The following RIC1 variants were observed in gnomAD, a reference collection of about 807,000 sequenced individuals.
The protein encoded by RIC1 is RIC1 partner of RAB6A GEF complex.
RIC1 carries 88 observed loss-of-function variants against 169.0 expected under a neutral mutation model. The observed-to-expected ratio is 0.52, with a 90% CI of 0.44 to 0.62. The LOEUF (loss-of-function observed/expected upper bound fraction) is 0.62. Ranked by LOEUF, RIC1 falls within the 20% of genes least tolerant of loss-of-function variation. The pLI is 0.00. For missense variants in RIC1, 1,877 were observed against 1,725.5 expected (o/e 1.09, Z -1.56); for synonymous variants, 790 against 601.5 (o/e 1.31, Z -4.59).
intron 7 of RIC1, among the ~76,000 whole-genome samples, chr9:5,733,804 A>T (rs1034492530): frequency 6.6e-6 from 1 of 151,750 alleles, no homozygotes; most frequent in Non-Finnish European, 1.5e-5. Context: ...ATGTATGTTC[A>T]TGAATACATT....
chr9:5,672,745 T>G (rs567806748), intron 2 of RIC1, among the ~76,000 whole-genome samples: 2 of 152,224 alleles, frequency 1.3e-5, no homozygotes, highest in African/African-American at 4.8e-5. Flanking sequence ...TGGGGCTATG[T>G]GGAAAAAGTT....
intron 1 of RIC1, among the ~76,000 whole-genome samples, chr9:5,656,309 G>A (rs1819095416): frequency 6.6e-6 from 1 of 152,088 alleles, no homozygotes; most frequent in Non-Finnish European, 1.5e-5. Flanking sequence ...TAAACGTTTG[G>A]TAGACTTCAC....
intron 1 of RIC1, among the ~76,000 whole-genome samples, chr9:5,635,194 G>C (rs1158757252): frequency 6.6e-6 from 1 of 152,014 alleles, no homozygotes; most frequent in African/African-American, 2.4e-5. Context: ...TGCCCAGGCC[G>C]GTCTCAGACT....
intron 1 of RIC1, among the ~76,000 whole-genome samples, chr9:5,629,750 G>T (rs1817626936): frequency 6.6e-6 from 1 of 152,192 alleles, no homozygotes; most frequent in Non-Finnish European, 1.5e-5. Flanking sequence ...GCCGAGCCCA[G>T]ACTTGTTCTT....
chr9:5,635,146 C>G (rs1195221170), intron 1 of RIC1, among the ~76,000 whole-genome samples: 1 of 152,032 alleles, frequency 6.6e-6, no homozygotes, highest in Admixed American at 6.6e-5. Context: ...TGCCACCATG[C>G]CTAGTTAATT....
chr9:5,705,176 C>T (rs1388962637), intron 3 of RIC1, among the ~76,000 whole-genome samples: 1 of 143,278 alleles, frequency 7.0e-6, no homozygotes, highest in Admixed American at 7.0e-5. Flanking sequence ...ATTTTAGGAT[C>T]AGCTTTCCCA....
At chr9:5,755,031 C>A in intron 15 of RIC1, 101 bp downstream of exon 15, 1 of 670,774 alleles carries the variant, frequency 1.5e-6, no homozygotes. Context: ...CTGAACAAAA[C>A]ATTTTATTTT....
At chr9:5,709,616 T>C (rs1452386437) in intron 3 of RIC1, among the ~76,000 whole-genome samples, 1 of 152,194 alleles carries the variant, frequency 6.6e-6, no homozygotes, top group East Asian at 1.9e-4. Flanking sequence ...ATTCAGTGCT[T>C]TCATAATCTG....
chr9:5,653,238 A>C (rs1458880433), intron 1 of RIC1, among the ~76,000 whole-genome samples: 1 of 151,944 alleles, frequency 6.6e-6, no homozygotes, highest in Non-Finnish European at 1.5e-5. Flanking sequence ...CAGTTGGCAT[A>C]TATTTGTGTG....
At chr9:5,697,118 C>T (rs1310525843) in intron 3 of RIC1, among the ~76,000 whole-genome samples, 1 of 152,304 alleles carries the variant, frequency 6.6e-6, no homozygotes, top group South Asian at 2.1e-4. Flanking sequence ...CAGTAAGACT[C>T]GGGAAACCCC....
At chr9:5,691,359 C>T (rs1821581778) in intron 3 of RIC1, among the ~76,000 whole-genome samples, 2 of 151,958 alleles carry the variant, frequency 1.3e-5, no homozygotes, top group African/African-American at 4.8e-5. Flanking sequence ...TGCTTTTCAA[C>T]TCTTAAATTT....
chr9:5,666,641 C>G (rs4742112), intron 2 of RIC1, among the ~76,000 whole-genome samples: 1 of 151,976 alleles, frequency 6.6e-6, no homozygotes, highest in Non-Finnish European at 1.5e-5. Flanking sequence ...AATTGAGAAA[C>G]GTGGATTTTT....
intron 1 of RIC1, among the ~76,000 whole-genome samples, chr9:5,629,957 C>A (rs1360051283): frequency 2.0e-5 from 3 of 152,198 alleles, no homozygotes; most frequent in African/African-American, 7.2e-5. Context: ...AGCCTGAATT[C>A]TTTATTCTTC....
At chr9:5,714,409 C>G (rs868841926) in intron 4 of RIC1, among the ~76,000 whole-genome samples, 11 of 152,194 alleles carry the variant, frequency 7.2e-5, no homozygotes, top group Admixed American at 2.6e-4. Context: ...ACTTTTTCAT[C>G]CAAGTATGAA....
rs751319728 is a variant in RIC1 at position 5,763,524 on chromosome 9, C to T, written c.2497C>T (p.Arg833Cys). ...TCAGATCTACCTCCACCACATTCTA[C>T]GTCAACTTCTGGTCAGAAACCTTGG... Reference protein sequence around the residue: ...TSQIYLHHILRQLLVRNLGEQ... With the variant: ...TSQIYLHHILCQLLVRNLGEQ... Residue 833 changes from arginine to cysteine, a missense_variant, in exon 19 of 26, where the codon CGT becomes TGT. Physicochemically the swap from Arg to Cys is radical, Grantham distance 180 (BLOSUM62 -3). Coordinates refer to ENST00000414202, the MANE Select transcript of RIC1 (RefSeq NM_020829.4). This position sits in a 1 kb window ranked among gnomAD's most constrained non-coding sequence, Gnocchi z 5.2. The T allele has an allele frequency of 5.6e-6, 9 of 1,614,172 alleles. No individual in the cohort carries two copies. Among genetic ancestry groups the T allele is most frequent in the South Asian group, 4.4e-5 (4 of 91,078 alleles).
intron 1 of RIC1, among the ~76,000 whole-genome samples, chr9:5,647,019 T>A (rs1254167616): frequency 6.6e-6 from 1 of 152,218 alleles, no homozygotes; most frequent in Non-Finnish European, 1.5e-5. Flanking sequence ...TTTATTTTTT[T>A]ACATGTGGAT....
chr9:5,671,274 A>ATTT (rs1231921630), intron 2 of RIC1, among the ~76,000 whole-genome samples: 1 of 136,152 alleles, frequency 7.3e-6, no homozygotes, highest in African/African-American at 3.0e-5. Context: ...TATTATTATT[A>ATTT]TTTTTTTTTT....
chr9:5,680,857 C>T (rs571700272), intron 2 of RIC1, among the ~76,000 whole-genome samples: 23 of 106,548 alleles, frequency 2.2e-4, no homozygotes, highest in Admixed American at 8.7e-4. Context: ...GACGGAGTCT[C>T]GCTCTGTCGC....
chr9:5,637,696 A>T (rs531909744), intron 1 of RIC1, among the ~76,000 whole-genome samples: 1 of 152,354 alleles, frequency 6.6e-6, no homozygotes, highest in Admixed American at 6.5e-5. Context: ...CCCACAAATA[A>T]GTGAGAACAT....
Sources: allele counts gnomAD v4.1 joint callset (sites outside exome capture counted in the v4.1 genomes callset), GRCh38; gene constraint gnomAD v4.1.1; non-coding constraint Gnocchi (gnomAD v3.1); transcripts MANE v1.5; gene names NCBI Gene and HGNC (gene_info 2026-07-23, HGNC 2026-07-21).